The following TTLL11 variants were observed in gnomAD, a reference collection of about 807,000 sequenced individuals.
TTLL11 encodes tubulin polyglutamylase TTLL11.
A neutral mutation model predicts 51.7 loss-of-function variants in TTLL11; 42 were observed. That is an observed-to-expected ratio of 0.81 (90% CI 0.64 to 1.05). TTLL11 has a LOEUF of 1.05. Ranked by LOEUF, TTLL11 falls within the 50% of genes least tolerant of loss-of-function variation. The pLI is 0.00. For missense variants in TTLL11, 799 were observed against 940.4 expected (o/e 0.85, Z 1.97); for synonymous variants, 381 against 383.5 (o/e 0.99, Z 0.08).
At chr9:121,985,307 G>A (rs146423180) in intron 4 of TTLL11, among the ~76,000 whole-genome samples, 1 of 152,166 alleles carries the variant, frequency 6.6e-6, no homozygotes, top group East Asian at 1.9e-4. Flanking sequence ...AACCCTTTGA[G>A]GTAGGCAAGG....
At chr9:121,825,918 C>G (rs1836737326) in intron 8 of TTLL11, among the ~76,000 whole-genome samples, 3 of 150,458 alleles carry the variant, frequency 2.0e-5, no homozygotes, top group Admixed American at 2.0e-4. Flanking sequence ...CACTGTGCTG[C>G]CTTGGCTTTC....
At chr9:122,055,804 G>A (rs778165240) in intron 1 of TTLL11, among the ~76,000 whole-genome samples, 5 of 152,172 alleles carry the variant, frequency 3.3e-5, no homozygotes, top group Non-Finnish European at 7.3e-5. Context: ...ACCAAGGCTC[G>A]GAAAGGTTGA....
At chr9:121,983,938 T>C (rs1159677393) in intron 4 of TTLL11, among the ~76,000 whole-genome samples, 2 of 152,164 alleles carry the variant, frequency 1.3e-5, no homozygotes, top group Non-Finnish European at 2.9e-5. Flanking sequence ...ATATCAGAAG[T>C]TGTTTCTGGA....
chr9:121,948,940 G>T (rs1462220646), intron 6 of TTLL11, among the ~76,000 whole-genome samples: 1 of 152,166 alleles, frequency 6.6e-6, no homozygotes, highest in African/African-American at 2.4e-5. Context: ...GTCCTCCCTA[G>T]TCATAGGGCT....
intron 6 of TTLL11, among the ~76,000 whole-genome samples, chr9:121,971,740 C>A (rs1842583179): frequency 1.4e-5 from 1 of 72,994 alleles, no homozygotes; most frequent in Non-Finnish European, 3.8e-5. Context: ...AATTCCTCTG[C>A]CTTGGGAAAA....
chr9:122,056,006 CCTATTT>C, intron 1 of TTLL11, among the ~76,000 whole-genome samples: 1 of 152,224 alleles, frequency 6.6e-6, no homozygotes, highest in Non-Finnish European at 1.5e-5. Flanking sequence ...CCTCTTCAAG[CCTATTT>C]CCCCATTTGC....
intron 3 of TTLL11, among the ~76,000 whole-genome samples, chr9:121,996,243 G>A (rs987129173): frequency 2.0e-5 from 3 of 151,970 alleles, no homozygotes; most frequent in South Asian, 2.1e-4. Flanking sequence ...CCTTTACACC[G>A]GCTTTCCCTG....
chr9:121,977,079 A>G (rs979113990), intron 4 of TTLL11, among the ~76,000 whole-genome samples: 5 of 152,146 alleles, frequency 3.3e-5, no homozygotes, highest in African/African-American at 1.2e-4. Context: ...TTCAATGCCC[A>G]GTGGTTTCAT....
rs1299012042 is a variant in TTLL11, at chr9:121,895,764, T to G, written c.1482-25016A>C. ...GTCCGTGTGGTTGTGTGTTATTGTT[T>G]TGTGTTAGTGTGTGGGTGTGTGTGT... On this transcript the variant is annotated intron_variant, in intron 6 of 8. Coordinates refer to ENST00000321582, the MANE Select transcript of TTLL11 (RefSeq NM_001139442.2). Among the ~76,000 whole-genome samples the G allele has an allele frequency of 9.9e-5, 7 of 70,486 alleles. 1 individual carries two copies. The highest frequency in any genetic ancestry group is 1.1e-4 in the African/African-American group (2 of 18,858). The allele number at this position is 70,486 out of a possible 152,430, so 46.2% of individuals were successfully genotyped here.
intron 6 of TTLL11, among the ~76,000 whole-genome samples, chr9:121,877,818 G>A (rs1288241002): frequency 6.6e-6 from 1 of 152,106 alleles, no homozygotes; most frequent in Non-Finnish European, 1.5e-5. Flanking sequence ...TTTGAACCTG[G>A]GAAAGAAACC....
Position 122,092,985 on chromosome 9 carries a change from G to A in TTLL11, c.164C>T (p.Ala55Val). ...CAGGACCTTGGGCTGCTCCTCCCCT[G>A]CCTTGCACTCCGGTTCCCCGGCCGC... ...AGAAGEPECK[A>V]GEEQPKVLAP... The change falls in exon 1 of 9, where the codon GCA (alanine) becomes GTA (valine). Residue 55 changes from alanine (A) to valine (V), a missense_variant. Ala to Val is a moderately conservative substitution (Grantham distance 64). Around this residue, in one of 3 missense-constraint regions of TTLL11, gnomAD observed 166 missense variants for 161.6 expected, o/e 1.03. Transcript: ENST00000321582. 1.9e-6 allele frequency: 3 copies of A among 1,563,620 alleles called. No homozygotes were observed. The highest frequency in any genetic ancestry group is 1.2e-5 in the South Asian group (1 of 85,782).
intron 3 of TTLL11, among the ~76,000 whole-genome samples, chr9:122,007,128 T>A (rs2131739190): frequency 6.6e-6 from 1 of 152,182 alleles, no homozygotes; most frequent in Middle Eastern, 3.4e-3. Flanking sequence ...ACAAATAATT[T>A]GGATTAAAAG....
chr9:122,092,870 C>G lies in TTLL11; in HGVS notation c.279G>C (p.Pro93=), dbSNP rs201886837. The G allele has an allele frequency of 1.9e-4, 302 of 1,571,292 alleles. No individual in the cohort carries two copies. In the African/African-American group the frequency reaches 3.6e-3, roughly 19 times the overall value. ...RPPPTLPPSK[P]KPVQGLCPHG... ...GCGGGCAGAGGCCCTGCACCGGCTT[C>G]GGCTTGGACGGGGGCAGCGTGGGCG... The change falls in exon 1 of 9, where the codon CCG becomes CCC. Residue 93 remains proline (P), a synonymous_variant. Transcript: ENST00000321582.
At position 122,044,449 on chromosome 9, in the gene TTLL11, G is replaced by A. The variant is rs375496678; in HGVS notation, c.463-5081C>T. Among the ~76,000 whole-genome samples the A allele has an allele frequency of 3.1e-3, 470 of 152,290 alleles. 5 individuals are homozygous for A. The highest frequency in any genetic ancestry group is 0.011 in the African/African-American group (453 of 41,554). Reference sequence around the variant, plus strand: ...GAATTGCCACACCGACTTCCACAATGGTTGAACTAGTTTACAGTCCCACCA... The same window carrying A: ...GAATTGCCACACCGACTTCCACAATAGTTGAACTAGTTTACAGTCCCACCA... On this transcript the variant is annotated intron_variant, in intron 1 of 8. Coordinates refer to ENST00000321582, the MANE Select transcript of TTLL11 (RefSeq NM_001139442.2).
chr9:122,039,518 AT>A, intron 1 of TTLL11, 150 bp from the exon 2 acceptor site: 1 of 593,598 alleles, frequency 1.7e-6, no homozygotes, highest in Non-Finnish European at 3.0e-6. Flanking sequence ...ATTCTTTGCC[AT>A]TTTACAGATG....
At chr9:121,906,344 T>A (rs61306328) in intron 6 of TTLL11, among the ~76,000 whole-genome samples, 27,584 of 151,454 alleles carry the variant, frequency 0.18, 2,799 homozygotes, top group Admixed American at 0.24. Context: ...TAATAATTTT[T>A]AAAAAAAAAA....
rs185785255 is a variant in TTLL11, at chr9:122,030,542, C to T, written c.693+1181G>A. ...TAAACCTTACTTCTCAAGCAAGTTG[C>T]TAAATTTTTCAAAGCCTCAGTTTCC... is the stretch of plus-strand genomic sequence containing the variant. On this transcript the variant is annotated intron_variant, in intron 3 of 8. Transcript: ENST00000321582. Among the ~76,000 whole-genome samples, 477 of 152,160 alleles carry T rather than the reference C, an allele frequency of 3.1e-3. 3 individuals are homozygous for T. The highest frequency in any genetic ancestry group is 0.011 in the African/African-American group (452 of 41,510).
chr9:121,913,550 T>G (rs190840729), intron 6 of TTLL11, among the ~76,000 whole-genome samples: 1 of 152,342 alleles, frequency 6.6e-6, no homozygotes, highest in Admixed American at 6.5e-5. Flanking sequence ...TTGCTTATCT[T>G]TCATACCTGG....
Position 122,092,825 on chromosome 9 carries a change from C to T in TTLL11, c.324G>A (p.Lys108=). ...GLCPHGKPRD[K]GRSCKRSSGH... ...CCGAGCTCCGCTTGCAGCTTCGGCC[C>T]TTGTCCCGGGGCTTCCCGTGCGGGC... The change falls in exon 1 of 9, where the codon AAG becomes AAA. Residue 108 remains lysine (K), a synonymous_variant. Coordinates refer to ENST00000321582, the MANE Select transcript of TTLL11 (RefSeq NM_001139442.2). The T allele has an allele frequency of 6.4e-7, 1 of 1,556,696 alleles. No individual in the cohort carries two copies. Among genetic ancestry groups the T allele is most frequent in the Non-Finnish European group, 8.6e-7 (1 of 1,158,228 alleles).
Sources: gnomAD v4.1 joint callset for allele counts (sites outside exome capture counted in the v4.1 genomes callset) on GRCh38, gnomAD v4.1.1 for gene constraint, gnomAD v4.1.1 regional missense constraint, MANE v1.5 for transcripts, NCBI Gene and HGNC (gene_info 2026-07-23, HGNC 2026-07-21) for gene names.